The following PCSK2 variants were observed in gnomAD, a reference collection of about 807,000 sequenced individuals.
The protein encoded by PCSK2 is neuroendocrine convertase 2.
PCSK2 carries 14 observed loss-of-function variants against 69.7 expected under a neutral mutation model. The ratio of observed to expected loss-of-function variants is 0.20; its 90% CI spans 0.13 to 0.31. PCSK2 has a LOEUF of 0.31. Ranked by LOEUF, PCSK2 falls within the 10% of genes least tolerant of loss-of-function variation. The pLI, the probability that PCSK2 is intolerant of heterozygous loss-of-function variation, is 1.00. For synonymous variants in PCSK2, 307 were observed against 320.7 expected, an observed-to-expected ratio of 0.96 and a Z score of 0.46; for missense variants, 544 against 842.5, an observed-to-expected ratio of 0.65 and a Z score of 4.39.
chr20:17,297,973 C>T (rs73094455), intron 2 of PCSK2, among the ~76,000 whole-genome samples: 54 of 152,286 alleles, frequency 3.5e-4, no homozygotes, highest in Non-Finnish European at 6.8e-4. Context: ...AATACATTTG[C>T]TCTTATAACT....
chr20:17,311,898 C>G (rs1989527328), intron 2 of PCSK2, among the ~76,000 whole-genome samples: 1 of 152,130 alleles, frequency 6.6e-6, no homozygotes, highest in Non-Finnish European at 1.5e-5. Context: ...CCATTAGACC[C>G]AGCTTGCTCT....
At chr20:17,449,167 G>A (rs950022470) in intron 8 of PCSK2, among the ~76,000 whole-genome samples, 33 of 152,268 alleles carry the variant, frequency 2.2e-4, no homozygotes, top group Non-Finnish European at 3.7e-4. Flanking sequence ...ACAGGCATGA[G>A]CCATCAGGCT....
chr20:17,227,076 G>A lies in PCSK2; in HGVS notation c.-230G>A, dbSNP rs3818916. ...CCGGTACACACAGCTCCCCACATTC[G>A]CACCCCTGCCCGCGCGCCGGGCCGC... On this transcript the variant is annotated 5_prime_UTR_variant, in exon 1 of 12. Transcript: ENST00000262545. 9 of 534,270 alleles carry A rather than the reference G, an allele frequency of 1.7e-5. No homozygotes were observed. Among genetic ancestry groups the A allele is most frequent in the African/African-American group, 1.3e-4 (7 of 52,108 alleles). The allele number at this position is 534,270 out of a possible 1,614,324, so 33.1% of individuals were successfully genotyped here. A position where few individuals can be genotyped will look rare whatever the true frequency, so the allele number is the denominator to read the frequency against.
chr20:17,463,833 A>C (rs567445464), intron 10 of PCSK2: 1 of 152,130 alleles, frequency 6.6e-6, no homozygotes, highest in Non-Finnish European at 1.5e-5. Context: ...CATATGTTGA[A>C]ATTTTATCAA....
intron 6 of PCSK2, among the ~76,000 whole-genome samples, chr20:17,421,660 C>T (rs1431935452): frequency 1.3e-5 from 2 of 152,014 alleles, no homozygotes; most frequent in East Asian, 3.9e-4. Flanking sequence ...CCAAGTTGCA[C>T]ACTGGCTTGC....
intron 1 of PCSK2, among the ~76,000 whole-genome samples, chr20:17,238,796 A>G (rs938270335): frequency 3.3e-5 from 5 of 152,186 alleles, no homozygotes; most frequent in African/African-American, 1.2e-4. Flanking sequence ...CTATTCATAG[A>G]CTCAAGGATT....
chr20:17,226,846 C>G (rs1324109517), upstream of PCSK2: 3 of 85,902 alleles, frequency 3.5e-5, no homozygotes, highest in Non-Finnish European at 6.7e-5. Context: ...CGGAGGCGGC[C>G]GGGCCGGGCC....
At chr20:17,269,463 TG>T (rs1315455518) in intron 2 of PCSK2, among the ~76,000 whole-genome samples, 1 of 152,184 alleles carries the variant, frequency 6.6e-6, no homozygotes, top group Non-Finnish European at 1.5e-5. Context: ...CATAGTAACT[TG>T]GCCATCCCTA....
At chr20:17,451,518 A>G (rs1600590887) in intron 8 of PCSK2, among the ~76,000 whole-genome samples, 1 of 152,308 alleles carries the variant, frequency 6.6e-6, no homozygotes, top group African/African-American at 2.4e-5. Flanking sequence ...TTCATGGTGC[A>G]ACGGAGTTCT....
In PCSK2 at chr20:17,378,641, ATGAATGGATGG is replaced by A. The variant is rs1480389664; in HGVS notation, c.543+9365_543+9375del. ...GATGGATGGATGGATGGATGGATGG[ATGAATGGATGG>A]ATGGATGATTGGATGGATGGATGGT... On this transcript the variant is annotated intron_variant, in intron 5 of 11. Transcript: ENST00000262545. Among the ~76,000 whole-genome samples the A allele has an allele frequency of 3.7e-3, 344 of 92,704 alleles. 1 individual carries two copies. Among genetic ancestry groups the A allele is most frequent in the African/African-American group, 0.014 (324 of 23,064 alleles). The allele number at this position is 92,704 out of a possible 152,430, so 60.8% of individuals were successfully genotyped here.
chr20:17,243,043 T>C (rs577813672), intron 1 of PCSK2, among the ~76,000 whole-genome samples: 2 of 152,288 alleles, frequency 1.3e-5, no homozygotes, highest in Admixed American at 1.3e-4. Context: ...TTATGAGTCA[T>C]TGGGTTTACT....
chr20:17,468,190 A>T, intron 11 of PCSK2, among the ~76,000 whole-genome samples: 1 of 145,348 alleles, frequency 6.9e-6, no homozygotes, highest in African/African-American at 2.6e-5. Context: ...ATGGGCCAGC[A>T]TCCTGCCGTA....
chr20:17,398,736 C>T (rs2031569888), intron 5 of PCSK2, among the ~76,000 whole-genome samples: 1 of 151,356 alleles, frequency 6.6e-6, no homozygotes, highest in African/African-American at 2.4e-5. Context: ...AAAAGAGGTT[C>T]TGTTGGGTTT....
At chr20:17,226,743 G>T (rs982026090), upstream of PCSK2, among the ~76,000 whole-genome samples, 1 of 151,448 alleles carries the variant, frequency 6.6e-6, no homozygotes, top group African/African-American at 2.4e-5. Flanking sequence ...GCGCGCGGCG[G>T]GCCAGGCTGA....
At chr20:17,318,049 A>G (rs1256672690) in intron 2 of PCSK2, among the ~76,000 whole-genome samples, 2 of 152,238 alleles carry the variant, frequency 1.3e-5, no homozygotes, top group African/African-American at 4.8e-5. Context: ...AGTCATCTCC[A>G]GCATTCATCC....
chr20:17,464,216 T>A (rs1395989881), intron 10 of PCSK2: 1 of 152,106 alleles, frequency 6.6e-6, no homozygotes, highest in East Asian at 1.9e-4. Context: ...AGGCATGAGA[T>A]CTTCAATGCC....
At chr20:17,421,383 C>T (rs779541321) in intron 6 of PCSK2, among the ~76,000 whole-genome samples, 8 of 152,160 alleles carry the variant, frequency 5.3e-5, no homozygotes, top group Non-Finnish European at 1.2e-4. Flanking sequence ...CATTTCTCAT[C>T]TATTCTATCA....
chr20:17,425,804 A>C (rs1568644258), intron 6 of PCSK2, among the ~76,000 whole-genome samples: 1 of 152,132 alleles, frequency 6.6e-6, no homozygotes, highest in Non-Finnish European at 1.5e-5. Context: ...TTTTTGCATC[A>C]AACTACTTGA....
At chr20:17,417,355 A>C (rs1366806310) in intron 6 of PCSK2, among the ~76,000 whole-genome samples, 1 of 152,208 alleles carries the variant, frequency 6.6e-6, no homozygotes, top group African/African-American at 2.4e-5. Context: ...CCAAGTGTCC[A>C]ATTACCCAAG....
Sources: gnomAD v4.1 joint callset for allele counts (sites outside exome capture counted in the v4.1 genomes callset) on GRCh38, gnomAD v4.1.1 for gene constraint, MANE v1.5 for transcripts, NCBI Gene and HGNC (gene_info 2026-07-23, HGNC 2026-07-21) for gene names.